Variants in BEND2 observed in about 807,000 individuals in gnomAD.
The protein encoded by BEND2 is BEN domain containing 2.
BEND2 carries 19 observed loss-of-function variants against 43.8 expected under a neutral mutation model. The observed-to-expected ratio is 0.43, with a 90% CI of 0.30 to 0.64. The LOEUF is 0.64. Among genes scored for constraint, BEND2 ranks in the 30% least tolerant of loss-of-function variants. The probability of loss-of-function intolerance (pLI) is 0.11; values close to 1 mark genes in which losing one functional copy is unlikely to be tolerated. For missense variants in BEND2, 544 were observed against 574.0 expected, an observed-to-expected ratio of 0.95 and a Z score of 0.53; for synonymous variants, 226 against 210.1, an observed-to-expected ratio of 1.08 and a Z score of -0.66.
At chrX:18,204,615 A>C (rs1482138695) in intron 4 of BEND2, among the ~76,000 whole-genome samples, 1 of 112,099 alleles carries the variant, frequency 8.9e-6, no homozygotes, top group East Asian at 2.8e-4. Flanking sequence ...TGCTAGACAC[A>C]ACAAAAGTTC....
At position 18,164,689 on chromosome X, in the gene BEND2, T is replaced by C. The variant is rs1293072544; in HGVS notation, c.*320A>G. 1 of 171,397 alleles carries C rather than the reference T, an allele frequency of 5.8e-6. No individual in the cohort carries two copies. The highest frequency in any genetic ancestry group is 3.0e-5 in the African/African-American group (1 of 33,132). The allele number at this position is 171,397 out of a possible 1,213,427, so 14.1% of individuals were successfully genotyped here. On this transcript the variant is annotated 3_prime_UTR_variant, in exon 14 of 14. Transcript: ENST00000380033. ...GAGTGGCTCCTTACTTTCTATTGAA[T>C]TTCTTTCTCTACCTTATCAAAAAAA...
At chrX:18,177,819 G>T in intron 9 of BEND2, 50 bp from the exon 10 acceptor site, 3 of 1,039,882 alleles carry the variant, frequency 2.9e-6, no homozygotes, top group Non-Finnish European at 4.0e-6. Flanking sequence ...TCATGCAAGG[G>T]TACCCTCAAA....
chrX:18,194,793 A>C (rs951658423), intron 7 of BEND2, among the ~76,000 whole-genome samples: 1 of 111,112 alleles, frequency 9.0e-6, no homozygotes, highest in Non-Finnish European at 1.9e-5. Flanking sequence ...TAAAGAAGAG[A>C]TCAGTGGAAG....
chrX:18,185,768 G>A (rs898796955), intron 8 of BEND2, among the ~76,000 whole-genome samples: 2 of 109,949 alleles, frequency 1.8e-5, no homozygotes, highest in African/African-American at 6.6e-5. Context: ...CAATACGACG[G>A]GCAGCAGACT....
intron 10 of BEND2, 135 bp downstream of exon 10, chrX:18,177,434 C>G (rs1924209329): frequency 4.6e-6 from 3 of 653,283 alleles, no homozygotes; most frequent in East Asian, 6.5e-5. Flanking sequence ...AAATCAGGGT[C>G]AGACAGGTGA....
chrX:18,192,618 A>G (rs1924807493), intron 7 of BEND2, among the ~76,000 whole-genome samples: 2 of 112,484 alleles, frequency 1.8e-5, no homozygotes, highest in Middle Eastern at 4.6e-3. Context: ...AGAAATCAAA[A>G]CTTCTGTTTA....
At chrX:18,207,840 G>A (rs1052880035) in intron 4 of BEND2, among the ~76,000 whole-genome samples, 7 of 111,170 alleles carry the variant, frequency 6.3e-5, no homozygotes, top group East Asian at 2.9e-4. Context: ...CCAACATGGC[G>A]AAACCCTGTC....
At chrX:18,179,624 G>A (rs1028692754) in intron 9 of BEND2, among the ~76,000 whole-genome samples, 6 of 112,224 alleles carry the variant, frequency 5.3e-5, no homozygotes, top group Non-Finnish European at 9.4e-5. Flanking sequence ...CTATTCATTC[G>A]TCTATGGGCT....
rs1338903767 is a variant in BEND2 at position 18,203,672 on chromosome X, C to T, written c.736G>A (p.Ala246Thr). 4.1e-6 allele frequency: 5 copies of T among 1,210,135 alleles called. No homozygotes were observed. Among genetic ancestry groups the T allele is most frequent in the African/African-American group, 1.7e-5 (1 of 57,274 alleles). The change falls in exon 5 of 14, where the codon GCT (alanine) becomes ACT (threonine). Residue 246 changes from alanine to threonine, a missense_variant. Transcript: ENST00000380033. ...FISGGAESTN[A>T]VISFANATTA... is the part of the protein sequence containing the mutation. ...GTAGCATTGGCAAATGAGATGACAG[C>T]ATTGGTACTTTCAGCACCTCCACTG...
At chrX:18,181,269 G>C (rs1924376913) in intron 8 of BEND2, among the ~76,000 whole-genome samples, 1 of 110,593 alleles carries the variant, frequency 9.0e-6, no homozygotes. Flanking sequence ...GGTTTTTTTA[G>C]GGTTAAGCAC....
chrX:18,203,578 T>A lies in BEND2; in HGVS notation c.830A>T (p.Asn277Ile). The A allele has an allele frequency of 8.3e-7, 1 of 1,210,834 alleles. No individual in the cohort carries two copies. The highest frequency in any genetic ancestry group is 1.1e-6 in the Non-Finnish European group (1 of 894,743). The change falls in exon 5 of 14, where the codon AAT becomes ATT. Residue 277 changes from asparagine (N) to isoleucine (I), a missense_variant. Transcript: ENST00000380033. ...TTCATTTTCTGGTAGAGCAGAGTAA[T>A]TCACCACACCAGGGTTATTTGCCAG... ...SSLANNPGVV[N>I]YSALPENENV...
intron 6 of BEND2, among the ~76,000 whole-genome samples, chrX:18,196,707 A>C (rs868684849): frequency 1.8e-5 from 2 of 110,160 alleles, no homozygotes; most frequent in African/African-American, 3.3e-5. Context: ...AAAAAAAAAA[A>C]AAAACCTACA....
chrX:18,201,032 T>A (rs1925127008), intron 6 of BEND2, among the ~76,000 whole-genome samples: 1 of 111,965 alleles, frequency 8.9e-6, no homozygotes, highest in African/African-American at 3.2e-5. Context: ...CAACTGTGTG[T>A]GAATCTAAAA....
intron 2 of BEND2, among the ~76,000 whole-genome samples, chrX:18,215,600 A>C (rs1056009979): frequency 8.9e-6 from 1 of 112,152 alleles, no homozygotes; most frequent in Non-Finnish European, 1.9e-5. Flanking sequence ...TCAAATTTCA[A>C]TGACCATAAA....
chrX:18,170,563 T>C (rs1469617121), intron 13 of BEND2, among the ~76,000 whole-genome samples: 1 of 112,750 alleles, frequency 8.9e-6, no homozygotes, highest in African/African-American at 3.2e-5. Context: ...TTTTAGAAGC[T>C]TTATTACTTC....
At chrX:18,182,258 C>T (rs1180472381) in intron 8 of BEND2, among the ~76,000 whole-genome samples, 9 of 110,417 alleles carry the variant, frequency 8.2e-5, no homozygotes, top group African/African-American at 2.6e-4. Flanking sequence ...AAGTGTGGCA[C>T]TTCCCCCTTT....
Position 18,213,788 on chromosome X carries a change from G to A in BEND2, c.362C>T (p.Thr121Met), listed in dbSNP as rs1925584226. The change falls in exon 3 of 14, where the codon ACG becomes ATG. Residue 121 changes from threonine to methionine, a missense_variant. This residue lies in a region of BEND2 where 501 missense variants were observed against 501.6 expected (regional missense o/e 1.00). Transcript: ENST00000380033. ...AAAATAAATACCTGGGCATGGTGGC[G>A]TGCGCCTGTCATCCCAGCTACTGGG... ...SLPSSWDDRRTPPCPVAHGDQ... is the reference protein window; with the variant it reads ...SLPSSWDDRRMPPCPVAHGDQ... 5.9e-6 allele frequency: 1 copy of A among 168,338 alleles called. No individual in the cohort carries two copies. 13.9% of individuals were successfully genotyped at this position (168,338 alleles called of 1,213,427 possible).
At chrX:18,216,132 T>C (rs1925665948) in intron 2 of BEND2, among the ~76,000 whole-genome samples, 1 of 111,690 alleles carries the variant, frequency 9.0e-6, no homozygotes, top group Admixed American at 9.6e-5. Flanking sequence ...TGTTGCTTCT[T>C]TGAGACTTTC....
intron 6 of BEND2, among the ~76,000 whole-genome samples, chrX:18,198,157 C>T (rs781514016): frequency 9.0e-6 from 1 of 110,965 alleles, no homozygotes; most frequent in African/African-American, 3.3e-5. Context: ...GACTTCATGT[C>T]TAAAACACCA....
Sources: gnomAD v4.1 joint callset for allele counts (sites outside exome capture counted in the v4.1 genomes callset) on GRCh38, gnomAD v4.1.1 for gene constraint, gnomAD v4.1.1 regional missense constraint, MANE v1.5 for transcripts, NCBI Gene and HGNC (gene_info 2026-07-23, HGNC 2026-07-21) for gene names.